Variants in MYO1C observed in about 807,000 individuals in gnomAD.
The protein encoded by MYO1C is unconventional myosin-Ic.
A neutral mutation model predicts 150.8 loss-of-function variants in MYO1C; 104 were observed. That is an observed-to-expected ratio of 0.69 (90% CI 0.59 to 0.81). The LOEUF is 0.81. Among genes scored for constraint, MYO1C ranks in the 30% least tolerant of loss-of-function variants. MYO1C has a pLI of 0.00. For synonymous variants in MYO1C, 663 were observed against 579.9 expected (o/e 1.14, Z -2.06); for missense variants, 1,504 against 1,435.0 (o/e 1.05, Z -0.78).
At chr17:1,492,188 G>A in intron 1 of MYO1C, 1 of 580,020 alleles carries the variant, frequency 1.7e-6, no homozygotes, top group Non-Finnish European at 3.1e-6. Context: ...CGGGAAGCCG[G>A]GGAAGAGTCA....
intron 1 of MYO1C, chr17:1,484,510 G>A (rs376139146): frequency 1.3e-5 from 8 of 638,880 alleles, no homozygotes; most frequent in African/African-American, 9.1e-5. Context: ...TGGAGGGCCC[G>A]GGTCCCAGTG....
chr17:1,470,474 T>A lies in MYO1C; in HGVS notation c.2327A>T (p.Lys776Met). The A allele has an allele frequency of 1.3e-6, 2 of 1,551,074 alleles. No homozygotes were observed. Among genetic ancestry groups the A allele is most frequent in the Non-Finnish European group, 1.7e-6 (2 of 1,147,208 alleles). ...SWWRGTLGRR[K>M]AAKRKWAAQT... is the part of the protein sequence containing the mutation. ...TGCCGCCCACTTCCTCTTGGCTGCC[T>A]TCCTCCGGCCCAGTGTTCCACGCCA... The change falls in exon 23 of 32, where the codon AAG becomes ATG. Residue 776 changes from lysine (K) to methionine (M), a missense_variant. Transcript: ENST00000648651.
rs1337960128 is a variant in MYO1C, at chr17:1,478,534, T to TGCCA, written c.1213-46_1213-43dup. On this transcript the variant is annotated intron_variant, in intron 10 of 31. Transcript: ENST00000648651. The surrounding 1 kb of genome is among the most constrained non-coding windows in gnomAD (Gnocchi z 6.3). ...ACCGAAGGCGTGGGCCCCCTGCGCG[T>TGCCA]GCCAGCCCCACCCTGCAGCACCCCC... 1 of 1,613,694 alleles carries TGCCA rather than the reference T, an allele frequency of 6.2e-7. No homozygotes were observed. The highest frequency in any genetic ancestry group is 8.5e-7 in the Non-Finnish European group (1 of 1,179,888).
At chr17:1,487,832 A>G (rs1234968283) in intron 1 of MYO1C, among the ~76,000 whole-genome samples, 1 of 152,178 alleles carries the variant, frequency 6.6e-6, no homozygotes, top group Non-Finnish European at 1.5e-5. Context: ...GAGGCACGAG[A>G]ATCGCTTGAA....
chr17:1,491,680 C>G, intron 1 of MYO1C: 4 of 979,532 alleles, frequency 4.1e-6, no homozygotes, highest in Non-Finnish European at 3.6e-6. Flanking sequence ...GCGCACTCTC[C>G]CCGCCCAGGG....
At chr17:1,472,817 G>A (rs1230453115) in intron 17 of MYO1C, among the ~76,000 whole-genome samples, 1 of 152,128 alleles carries the variant, frequency 6.6e-6, no homozygotes, top group Non-Finnish European at 1.5e-5. Context: ...AGGGGCGGGT[G>A]AAGTGGCTAC....
intron 29 of MYO1C, 78 bp from the exon 30 acceptor site, chr17:1,467,655 C>T: frequency 7.3e-7 from 1 of 1,361,306 alleles, no homozygotes; most frequent in African/African-American, 1.6e-5. Flanking sequence ...CCATCCACCT[C>T]CTGACCCCCA....
At position 1,479,816 on chromosome 17, in the gene MYO1C, G is replaced by A. The variant is rs2074480284; in HGVS notation, c.907-111C>T. ...GGTGGTGAAGTGTCGGAGAGAAGGGGCTGGAAGTGGGAATGGGTGTTAAAG... is the reference window on the plus strand; with the variant it reads ...GGTGGTGAAGTGTCGGAGAGAAGGGACTGGAAGTGGGAATGGGTGTTAAAG... On this transcript the variant is annotated intron_variant, in intron 7 of 31. Transcript: ENST00000648651. This position sits in a 1 kb window ranked among gnomAD's most constrained non-coding sequence, Gnocchi z 4.2. 2 of 741,216 alleles carry A rather than the reference G, an allele frequency of 2.7e-6. No homozygotes were observed. Among genetic ancestry groups the A allele is most frequent in the South Asian group, 1.6e-5 (1 of 61,456 alleles). 45.9% of individuals were successfully genotyped at this position (741,216 alleles called of 1,614,324 possible).
chr17:1,487,788 G>A (rs1319559818), intron 1 of MYO1C, among the ~76,000 whole-genome samples: 6 of 152,200 alleles, frequency 3.9e-5, no homozygotes, highest in East Asian at 1.9e-4. Context: ...GCGTGGTGGT[G>A]GGCGCCTGTG....
chr17:1,479,518 G>T lies in MYO1C; in HGVS notation c.1021-16C>A. The T allele has an allele frequency of 6.6e-7, 1 of 1,513,554 alleles. No homozygotes were observed. Among genetic ancestry groups the T allele is most frequent in the Non-Finnish European group, 9.0e-7 (1 of 1,110,554 alleles). 93.8% of individuals were successfully genotyped at this position (1,513,554 alleles called of 1,614,324 possible). ...CGCTGAGGAGCTGCCAAGGGCAGGC[G>T]AGGACACGGTGAGGGTGCACCCCCA... On this transcript the variant is annotated splice_polypyrimidine_tract_variant and intron_variant, in intron 8 of 31. Transcript: ENST00000648651. The surrounding 1 kb of genome is among the most constrained non-coding windows in gnomAD (Gnocchi z 4.2).
At position 1,479,376 on chromosome 17, in the gene MYO1C, G is replaced by T; in HGVS notation, c.1092+55C>A. 2 of 839,960 alleles carry T rather than the reference G, an allele frequency of 2.4e-6. No homozygotes were observed. Among genetic ancestry groups the T allele is most frequent in the East Asian group, 2.6e-5 (1 of 37,908 alleles). The allele number at this position is 839,960 out of a possible 1,614,324, so 52.0% of individuals were successfully genotyped here. ...AGGCGAAGGGGAGTGATGGGAGTAGGGGCTGCCTTGGAACAGCTGCCCCTC... is the reference window on the plus strand; with the variant it reads ...AGGCGAAGGGGAGTGATGGGAGTAGTGGCTGCCTTGGAACAGCTGCCCCTC... On this transcript the variant is annotated intron_variant, in intron 9 of 31. Transcript: ENST00000648651. The surrounding 1 kb of genome is among the most constrained non-coding windows in gnomAD (Gnocchi z 4.2).
In MYO1C at chr17:1,480,890, G is replaced by A. The variant is rs201919233; in HGVS notation, c.628-5C>T. On this transcript the variant is annotated splice_region_variant and splice_polypyrimidine_tract_variant and intron_variant, in intron 5 of 31. Coordinates refer to ENST00000648651, the MANE Select transcript of MYO1C (RefSeq NM_001080779.2). ...GTGGCCACCCACGGGGGCACCCTGT[G>A]GGCAGGGCAGGGCATGAGGCCGGGT... 1 of 1,613,578 alleles carries A rather than the reference G, an allele frequency of 6.2e-7. No homozygotes were observed.
rs557106289 is a variant in MYO1C, at chr17:1,464,815, CT to C, written c.*910del. The C allele has an allele frequency of 0.012, 1,659 of 144,000 alleles. 28 individuals carry two copies. The highest frequency in any genetic ancestry group is 0.036 in the African/African-American group (1,413 of 38,846). 8.9% of individuals were successfully genotyped at this position (144,000 alleles called of 1,614,324 possible). A position where few individuals can be genotyped will look rare whatever the true frequency, so the allele number is the denominator to read the frequency against. ...ATGATGAGGACAGTAAAAGGGCGTT[CT>C]TTTTTTTTTTTTTTAAGACGGAGTC... On this transcript the variant is annotated 3_prime_UTR_variant, in exon 32 of 32. Transcript: ENST00000648651.
chr17:1,468,931 C>T (rs761615976), intron 25 of MYO1C: 8 of 297,014 alleles, frequency 2.7e-5, no homozygotes, highest in Non-Finnish European at 5.2e-5. Flanking sequence ...CCAATCGACC[C>T]GAGTGAAGAC....
rs116680643 is a variant in MYO1C at position 1,470,292 on chromosome 17, G to C, written c.2409C>G (p.Pro803=). 1.8e-4 allele frequency: 289 copies of C among 1,579,262 alleles called. No individual in the cohort carries two copies. The highest frequency in any genetic ancestry group is 2.4e-4 in the Non-Finnish European group (282 of 1,163,102). The part of the protein sequence containing the change: ...GFVLRHAPRC[P]ENAFFLDHVR... Reference sequence around the variant, plus strand: ...CATGGTCCAGGAAGAAGGCGTTCTCGGGGCAGCGGGGGGCGTGGCGCAGGA... The same window carrying C: ...CATGGTCCAGGAAGAAGGCGTTCTCCGGGCAGCGGGGGGCGTGGCGCAGGA... Residue 803 remains proline (P), a synonymous_variant, in exon 24 of 32, where the codon CCC becomes CCG. Transcript: ENST00000648651.
intron 21 of MYO1C, 68 bp from the exon 22 acceptor site, chr17:1,470,757 C>A (rs767790061): frequency 1.3e-6 from 2 of 1,490,428 alleles, no homozygotes; most frequent in Admixed American, 1.8e-5. Flanking sequence ...GTGCCGTGTG[C>A]GCTCCACGAG....
In MYO1C at chr17:1,467,404, C is replaced by T. The variant is rs1313404212; in HGVS notation, c.3066-63G>A. On this transcript the variant is annotated intron_variant, in intron 30 of 31. Transcript: ENST00000648651. ...GCAGACCCCCAACCCTAAGGTGGAC[C>T]CCCACCCTGTCCCTGGGTGCCCACA... 8 of 1,593,650 alleles carry T rather than the reference C, an allele frequency of 5.0e-6. No homozygotes were observed. In the African/African-American group the frequency reaches 5.4e-5, roughly 11 times the overall value.
intron 16 of MYO1C, 29 bp from the exon 17 acceptor site, chr17:1,474,719 G>A (rs759924114): frequency 5.0e-6 from 8 of 1,613,622 alleles, no homozygotes; most frequent in South Asian, 2.2e-5. Flanking sequence ...GGTCAGGGTG[G>A]GGCACAGGGA....
In MYO1C at chr17:1,479,582, C is replaced by T. The variant is rs895477853; in HGVS notation, c.1020+10G>A. ...CCGTCCTCCCGTCGCCCTCTGCCCG[C>T]CCCACTCACCCTGGTCAGATACTTG... On this transcript the variant is annotated intron_variant, in intron 8 of 31. Coordinates refer to ENST00000648651, the MANE Select transcript of MYO1C (RefSeq NM_001080779.2). The surrounding 1 kb of genome is among the most constrained non-coding windows in gnomAD (Gnocchi z 4.2). 5 of 1,604,872 alleles carry T rather than the reference C, an allele frequency of 3.1e-6. No individual in the cohort carries two copies. In the African/African-American group the frequency reaches 6.7e-5, roughly 21 times the overall value.
Sources: gnomAD v4.1 joint callset for allele counts (sites outside exome capture counted in the v4.1 genomes callset) on GRCh38, gnomAD v4.1.1 for gene constraint, Gnocchi (gnomAD v3.1) non-coding constraint, MANE v1.5 for transcripts, NCBI Gene and HGNC (gene_info 2026-07-23, HGNC 2026-07-21) for gene names.